RUNDC3B: variants seen among roughly 807,000 people sequenced by gnomAD.
RUNDC3B encodes RUN domain containing 3B.
Under a neutral mutation model 58.4 loss-of-function variants are expected in RUNDC3B, and 33 were observed. That is an observed-to-expected ratio of 0.56 (90% confidence interval 0.43 to 0.75). The LOEUF is 0.75. Among genes scored for constraint, RUNDC3B ranks in the 30% least tolerant of loss-of-function variants. RUNDC3B has a pLI of 0.00. For missense variants in RUNDC3B, 501 were observed against 535.7 expected, an observed-to-expected ratio of 0.94 and a Z score of 0.64; for synonymous variants, 193 against 195.2, an observed-to-expected ratio of 0.99 and a Z score of 0.10.
chr7:87,693,812 T>C (rs1828231444), intron 2 of RUNDC3B: 2 of 1,126,432 alleles, frequency 1.8e-6, no homozygotes, highest in Non-Finnish European at 2.6e-6. Flanking sequence ...AAATTATATG[T>C]AGCCATCTTA....
chr7:87,694,096 TTTTG>T, intron 2 of RUNDC3B: 1 of 1,478,908 alleles, frequency 6.8e-7, no homozygotes, highest in Non-Finnish European at 8.9e-7. Context: ...TTTTGTGTGT[TTTTG>T]TTTTTTTTTT....
intron 6 of RUNDC3B, among the ~76,000 whole-genome samples, chr7:87,756,838 T>G (rs539361646): frequency 1.3e-5 from 2 of 152,140 alleles, no homozygotes; most frequent in Admixed American, 6.6e-5. Context: ...ATATATGTTA[T>G]GTGGAATATG....
At chr7:87,807,264 C>G in intron 8 of RUNDC3B, 109 bp from the exon 9 acceptor site, 1 of 1,025,532 alleles carries the variant, frequency 9.8e-7, no homozygotes, top group Non-Finnish European at 1.5e-6. Context: ...AATCTATTAA[C>G]AAACCAATTT....
intron 1 of RUNDC3B, chr7:87,629,222 C>G: frequency 2.9e-6 from 1 of 343,042 alleles, no homozygotes; most frequent in Non-Finnish European, 5.2e-6. Flanking sequence ...AATGTGCAAT[C>G]TAGCGTCAGA....
chr7:87,685,118 A>T (rs1827328229), intron 2 of RUNDC3B, among the ~76,000 whole-genome samples: 1 of 152,172 alleles, frequency 6.6e-6, no homozygotes. Flanking sequence ...AAAAGCTTTT[A>T]CTCCCTGAAA....
intron 10 of RUNDC3B, among the ~76,000 whole-genome samples, chr7:87,826,692 A>G (rs1295094606): frequency 1.3e-5 from 2 of 152,202 alleles, no homozygotes; most frequent in African/African-American, 4.8e-5. Context: ...AAAATCTATC[A>G]TTCAAGAACA....
At chr7:87,808,645 A>G (rs1394770920) in intron 9 of RUNDC3B, among the ~76,000 whole-genome samples, 1 of 152,108 alleles carries the variant, frequency 6.6e-6, no homozygotes, top group African/African-American at 2.4e-5. Flanking sequence ...CTACTAAACC[A>G]TACTTCTTAG....
At chr7:87,752,886 T>G (rs1246812151) in intron 6 of RUNDC3B, among the ~76,000 whole-genome samples, 1 of 151,840 alleles carries the variant, frequency 6.6e-6, no homozygotes, top group Non-Finnish European at 1.5e-5. Flanking sequence ...TCAGTTCTGC[T>G]CTGATTTTAG....
At chr7:87,784,438 G>A (rs775647103) in intron 8 of RUNDC3B, among the ~76,000 whole-genome samples, 16 of 152,102 alleles carry the variant, frequency 1.1e-4, no homozygotes, top group Non-Finnish European at 7.4e-5. Context: ...TGTTGTGTAT[G>A]TTGTGTATAG....
At chr7:87,642,441 T>C (rs1241735869) in intron 1 of RUNDC3B, among the ~76,000 whole-genome samples, 1 of 152,110 alleles carries the variant, frequency 6.6e-6, no homozygotes, top group African/African-American at 2.4e-5. Context: ...GGATAAAGAA[T>C]AATTGGATTC....
intron 2 of RUNDC3B, among the ~76,000 whole-genome samples, chr7:87,683,839 G>A (rs1405776163): frequency 6.6e-6 from 1 of 152,092 alleles, no homozygotes; most frequent in East Asian, 1.9e-4. Flanking sequence ...AACCTTCAAC[G>A]TGTAAAAAAT....
intron 6 of RUNDC3B, among the ~76,000 whole-genome samples, chr7:87,746,803 T>A (rs924603604): frequency 6.6e-6 from 1 of 152,220 alleles, no homozygotes; most frequent in Non-Finnish European, 1.5e-5. Context: ...TTAGGCCATT[T>A]ACATTCAATG....
intron 3 of RUNDC3B, among the ~76,000 whole-genome samples, chr7:87,700,804 A>G (rs1197815922): frequency 1.3e-5 from 2 of 152,210 alleles, no homozygotes; most frequent in African/African-American, 4.8e-5. Flanking sequence ...AAATATTTTT[A>G]TATAATATCA....
chr7:87,641,681 A>G (rs1410318171), intron 1 of RUNDC3B, among the ~76,000 whole-genome samples: 2 of 152,214 alleles, frequency 1.3e-5, no homozygotes, highest in Non-Finnish European at 2.9e-5. Context: ...ATATTCAAAA[A>G]CAAATCCTCC....
chr7:87,685,867 G>C (rs1206170346), intron 2 of RUNDC3B, among the ~76,000 whole-genome samples: 1 of 152,038 alleles, frequency 6.6e-6, no homozygotes, highest in African/African-American at 2.4e-5. Flanking sequence ...TTTTAAAATG[G>C]GGAGGATCCC....
At chr7:87,648,440 A>G (rs1391391504) in intron 1 of RUNDC3B, among the ~76,000 whole-genome samples, 1 of 152,174 alleles carries the variant, frequency 6.6e-6, no homozygotes, top group Non-Finnish European at 1.5e-5. Context: ...ACTTCACATT[A>G]AAGGGCTTCT....
chr7:87,704,778 T>C lies in RUNDC3B; in HGVS notation c.372+4224T>C, dbSNP rs190301607. Among the ~76,000 whole-genome samples the C allele has an allele frequency of 2.6e-5, 4 of 152,328 alleles. No homozygotes were observed. In the East Asian group the frequency reaches 7.7e-4, roughly 29 times the overall value. ...TTGCCTAGTTATGCTGGGAAGAGTC[T>C]GTGGAGAAAGATTACCTCTCTTTAT... On this transcript the variant is annotated intron_variant, in intron 3 of 10. Transcript: ENST00000394654.
intron 6 of RUNDC3B, among the ~76,000 whole-genome samples, chr7:87,757,533 CA>C (rs1335990622): frequency 5.3e-5 from 8 of 151,634 alleles, no homozygotes; most frequent in African/African-American, 1.2e-4. Context: ...AATTGAATAC[CA>C]AAAAAAGGAA....
At chr7:87,635,913 G>C (rs1274055475) in intron 1 of RUNDC3B, among the ~76,000 whole-genome samples, 1 of 152,078 alleles carries the variant, frequency 6.6e-6, no homozygotes, top group Admixed American at 6.6e-5. Context: ...CCATTTTGTT[G>C]CATGTTGCTG....
Sources: gnomAD v4.1 joint callset for allele counts (sites outside exome capture counted in the v4.1 genomes callset) on GRCh38, gnomAD v4.1.1 for gene constraint, MANE v1.5 for transcripts, NCBI Gene and HGNC (gene_info 2026-07-23, HGNC 2026-07-21) for gene names.